BMPR1B: variants seen among roughly 807,000 people sequenced by gnomAD.
BMPR1B encodes bone morphogenetic protein receptor type-1B.
A neutral mutation model predicts 59.1 loss-of-function variants in BMPR1B; 12 were observed. The ratio of observed to expected loss-of-function variants is 0.20; its 90% CI spans 0.13 to 0.33. BMPR1B has a LOEUF of 0.33. BMPR1B is among the 10% of genes least tolerant of loss of function. The pLI is 1.00. For missense variants in BMPR1B, 550 were observed against 610.9 expected (o/e 0.90, Z 1.05); for synonymous variants, 237 against 207.3 (o/e 1.14, Z -1.23).
intron 2 of BMPR1B, among the ~76,000 whole-genome samples, chr4:94,946,266 G>GT (rs1729706244): frequency 6.6e-6 from 1 of 151,986 alleles, no homozygotes; most frequent in Admixed American, 6.6e-5. Context: ...TTCTTGTTTG[G>GT]TAACATTCAA....
At chr4:94,762,128 G>C (rs1409981538) in intron 1 of BMPR1B, among the ~76,000 whole-genome samples, 1 of 152,080 alleles carries the variant, frequency 6.6e-6, no homozygotes, top group Non-Finnish European at 1.5e-5. Flanking sequence ...ATGATGTTCA[G>C]GACATCCACT....
intron 2 of BMPR1B, among the ~76,000 whole-genome samples, chr4:94,876,766 C>G (rs1726748361): frequency 6.6e-6 from 1 of 152,082 alleles, no homozygotes; most frequent in South Asian, 2.1e-4. Flanking sequence ...TTTGATATAT[C>G]TTTTCTAATA....
chr4:95,131,972 C>G (rs1041691096), intron 10 of BMPR1B, among the ~76,000 whole-genome samples: 1 of 152,104 alleles, frequency 6.6e-6, no homozygotes, highest in Non-Finnish European at 1.5e-5. Context: ...TTATCCTGTA[C>G]CTGAAACAGT....
At chr4:94,993,111 G>A (rs1439524693) in intron 2 of BMPR1B, among the ~76,000 whole-genome samples, 4 of 152,040 alleles carry the variant, frequency 2.6e-5, no homozygotes, top group East Asian at 1.9e-4. Context: ...GGCTGGTCTC[G>A]AACTTCTGGC....
intron 2 of BMPR1B, among the ~76,000 whole-genome samples, chr4:94,890,117 T>C (rs897599713): frequency 4.6e-5 from 7 of 152,072 alleles, no homozygotes; most frequent in Admixed American, 4.6e-4. Context: ...AGCCTACAGT[T>C]AATGTGGTCA....
At chr4:94,944,507 A>G (rs1450574368) in intron 2 of BMPR1B, among the ~76,000 whole-genome samples, 2 of 152,216 alleles carry the variant, frequency 1.3e-5, no homozygotes, top group South Asian at 2.1e-4. Context: ...ACATGATTCA[A>G]TTCATGCTTA....
At chr4:94,966,742 A>G (rs917401080) in intron 2 of BMPR1B, among the ~76,000 whole-genome samples, 1 of 151,642 alleles carries the variant, frequency 6.6e-6, no homozygotes, top group Admixed American at 6.6e-5. Flanking sequence ...CATGCCTGAA[A>G]TTTTTTTTTC....
intron 1 of BMPR1B, among the ~76,000 whole-genome samples, chr4:94,844,976 G>C (rs1170417220): frequency 6.6e-6 from 1 of 152,140 alleles, no homozygotes; most frequent in Non-Finnish European, 1.5e-5. Context: ...AGAGAGTAAA[G>C]AGGAAAAATT....
chr4:95,130,422 A>G (rs908590718), intron 9 of BMPR1B, among the ~76,000 whole-genome samples: 10 of 152,170 alleles, frequency 6.6e-5, no homozygotes, highest in African/African-American at 1.7e-4. Flanking sequence ...ATTTATATCA[A>G]TAGTTTATAT....
intron 3 of BMPR1B, among the ~76,000 whole-genome samples, chr4:95,093,854 C>T (rs999376789): frequency 6.6e-6 from 1 of 152,050 alleles, no homozygotes; most frequent in Non-Finnish European, 1.5e-5. Context: ...ATTAGTGTGT[C>T]TCTTAACCTA....
At chr4:95,078,916 C>T (rs1305709733) in intron 3 of BMPR1B, among the ~76,000 whole-genome samples, 1 of 152,076 alleles carries the variant, frequency 6.6e-6, no homozygotes, top group African/African-American at 2.4e-5. Flanking sequence ...CACCACCACA[C>T]CTGGTTAATT....
intron 2 of BMPR1B, among the ~76,000 whole-genome samples, chr4:94,925,426 T>G (rs553688055): frequency 6.6e-6 from 1 of 152,296 alleles, no homozygotes; most frequent in South Asian, 2.1e-4. Context: ...CAAAGATAAG[T>G]AGTCTGTTTT....
At chr4:94,866,608 C>T (rs114136708) in intron 1 of BMPR1B, among the ~76,000 whole-genome samples, 2,529 of 152,084 alleles carry the variant, frequency 0.017, 47 homozygotes, top group East Asian at 0.082. Context: ...GTTTTTGAGT[C>T]GGAGTCTCGC....
chr4:95,070,778 G>T (rs1341909494), intron 3 of BMPR1B, among the ~76,000 whole-genome samples: 2 of 152,024 alleles, frequency 1.3e-5, no homozygotes, highest in Non-Finnish European at 2.9e-5. Context: ...AATAGAAAAA[G>T]AAAACTTTAA....
chr4:94,998,929 C>T (rs1722258321), intron 3 of BMPR1B, among the ~76,000 whole-genome samples: 1 of 152,162 alleles, frequency 6.6e-6, no homozygotes, highest in Non-Finnish European at 1.5e-5. Flanking sequence ...CAGTATTCAA[C>T]ATCTCCTATT....
intron 2 of BMPR1B, among the ~76,000 whole-genome samples, chr4:94,920,548 TG>T (rs1211067085): frequency 2.0e-5 from 3 of 152,178 alleles, no homozygotes; most frequent in Non-Finnish European, 4.4e-5. Context: ...ATGGGCTCAG[TG>T]TGGGATCTGC....
chr4:94,825,910 TTTTCTA>T (rs1253548365), intron 1 of BMPR1B, among the ~76,000 whole-genome samples: 4 of 152,212 alleles, frequency 2.6e-5, no homozygotes, highest in Non-Finnish European at 4.4e-5. Context: ...TTTTTTCTGT[TTTTCTA>T]AACTTTGGAG....
chr4:94,988,911 G>A (rs890386654), intron 2 of BMPR1B, among the ~76,000 whole-genome samples: 1 of 151,996 alleles, frequency 6.6e-6, no homozygotes, highest in Non-Finnish European at 1.5e-5. Flanking sequence ...TTCTAACGAG[G>A]CACATCCTAG....
intron 3 of BMPR1B, chr4:95,051,730 C>T (rs1341940598): frequency 6.5e-7 from 1 of 1,535,516 alleles, no homozygotes; most frequent in East Asian, 2.4e-5. Context: ...AAACTGGCAG[C>T]TTCACATTTT....
Sources: allele counts gnomAD v4.1 joint callset (sites outside exome capture counted in the v4.1 genomes callset), GRCh38; gene constraint gnomAD v4.1.1; transcripts MANE v1.5; gene names NCBI Gene and HGNC (gene_info 2026-07-23, HGNC 2026-07-21).